Variants in ACACA observed in about 807,000 individuals in gnomAD.
The protein encoded by ACACA is acetyl-CoA carboxylase alpha.
In ACACA, 103 loss-of-function variants were observed where a neutral mutation model predicts 296.1. That is an observed-to-expected ratio of 0.35 (90% CI 0.30 to 0.41). The LOEUF (loss-of-function observed/expected upper bound fraction) is 0.41, where lower values mean the gene tolerates loss of function less well. Ranked by LOEUF, ACACA falls within the 10% of genes least tolerant of loss-of-function variation. The pLI, the probability that ACACA is intolerant of heterozygous loss-of-function variation, is 1.00. For missense variants in ACACA, 1,554 were observed against 2,989.7 expected, an observed-to-expected ratio of 0.52 and a Z score of 11.20; for synonymous variants, 953 against 1,038.6, an observed-to-expected ratio of 0.92 and a Z score of 1.58.
chr17:37,349,212 C>T (rs575635472), intron 1 of ACACA, among the ~76,000 whole-genome samples: 65 of 150,412 alleles, frequency 4.3e-4, no homozygotes, highest in African/African-American at 1.5e-3. Context: ...AGGCGTGTGC[C>T]CCAACACATG....
At chr17:37,217,260 CAAAAAAA>C (rs34419580) in intron 29 of ACACA, among the ~76,000 whole-genome samples, 5 of 42,526 alleles carry the variant, frequency 1.2e-4, no homozygotes, top group Non-Finnish European at 2.3e-4. Context: ...AACTCTATCT[CAAAAAAA>C]AAAAAAAAAA....
intron 1 of ACACA, among the ~76,000 whole-genome samples, chr17:37,363,113 A>G (rs1172754020): frequency 6.7e-6 from 1 of 149,974 alleles, no homozygotes; most frequent in Non-Finnish European, 1.5e-5. Flanking sequence ...CAGCCTCTCA[A>G]GTAGCTGGGA....
At position 37,268,723 on chromosome 17, in the gene ACACA, ATC is replaced by A. The variant is rs2081912480; in HGVS notation, c.1119+2026_1119+2027del. ...AATATATCTATATCTATATCTATCT[ATC>A]TATCTATCTATCTATCTATATATAT... is the stretch of plus-strand genomic sequence containing the variant. On this transcript the variant is annotated intron_variant, in intron 10 of 55. Coordinates refer to ENST00000616317, the MANE Select transcript of ACACA (RefSeq NM_198834.3). Among the ~76,000 whole-genome samples the A allele has an allele frequency of 9.3e-5, 10 of 108,028 alleles. No individual in the cohort carries two copies. The East Asian group carries it at 1.7e-3, about 18-fold the overall frequency. 70.9% of individuals were successfully genotyped at this position (108,028 alleles called of 152,430 possible). A position where few individuals can be genotyped will look rare whatever the true frequency, so the allele number is the denominator to read the frequency against.
Position 37,177,265 on chromosome 17 carries a change from A to C in ACACA, c.5079+1995T>G, listed in dbSNP as rs533315580. Among the ~76,000 whole-genome samples the C allele has an allele frequency of 5.8e-5, 7 of 120,008 alleles. No individual in the cohort carries two copies. In the South Asian group the frequency reaches 1.9e-3, roughly 33 times the overall value. The allele number at this position is 120,008 out of a possible 152,430, so 78.7% of individuals were successfully genotyped here. A position where few individuals can be genotyped will look rare whatever the true frequency, so the allele number is the denominator to read the frequency against. The stretch of plus-strand genomic sequence containing the variant: ...TAAAAAAAACCTTTAATTTTTAAAA[A>C]ATTCGTGTGTGTGTGTGTGTGTGTG... On this transcript the variant is annotated intron_variant, in intron 41 of 55. Transcript: ENST00000616317.
At chr17:37,354,794 A>G (rs1007729921) in intron 1 of ACACA, among the ~76,000 whole-genome samples, 8 of 152,158 alleles carry the variant, frequency 5.3e-5, no homozygotes, top group Non-Finnish European at 1.0e-4. Flanking sequence ...AGCTGGGCGC[A>G]GTGGTGTACA....
chr17:37,248,583 T>C lies in ACACA; in HGVS notation c.2163+10A>G. On this transcript the variant is annotated intron_variant, in intron 17 of 55. Coordinates refer to ENST00000616317, the MANE Select transcript of ACACA (RefSeq NM_198834.3). Reference sequence around the variant, plus strand: ...AAGTAAGGTGCAAGCTCCAATGGGGTTCTGCATACCTTAAGTACATACTTG... The same window carrying C: ...AAGTAAGGTGCAAGCTCCAATGGGGCTCTGCATACCTTAAGTACATACTTG... The C allele has an allele frequency of 2.5e-6, 4 of 1,582,486 alleles. No individual in the cohort carries two copies. Among genetic ancestry groups the C allele is most frequent in the Non-Finnish European group, 3.5e-6 (4 of 1,152,228 alleles).
At chr17:37,163,465 T>C (rs1008123229) in intron 41 of ACACA, among the ~76,000 whole-genome samples, 1 of 152,152 alleles carries the variant, frequency 6.6e-6, no homozygotes, top group African/African-American at 2.4e-5. Context: ...GCAACACAAA[T>C]GGACTATCAC....
intron 2 of ACACA, among the ~76,000 whole-genome samples, chr17:37,334,412 T>C (rs2048017485): frequency 6.6e-6 from 1 of 152,008 alleles, no homozygotes; most frequent in South Asian, 2.1e-4. Flanking sequence ...ATTAGTCAAG[T>C]CCCTTCCCTC....
At chr17:37,238,043 T>G (rs2145891210) in intron 24 of ACACA, among the ~76,000 whole-genome samples, 1 of 152,234 alleles carries the variant, frequency 6.6e-6, no homozygotes, top group Middle Eastern at 3.4e-3. Context: ...TTACAGGCTT[T>G]TCAGACTCCT....
chr17:37,341,979 T>TG (rs1337309328), intron 1 of ACACA, among the ~76,000 whole-genome samples: 1 of 152,092 alleles, frequency 6.6e-6, no homozygotes, highest in Non-Finnish European at 1.5e-5. Context: ...AGCTGACCTT[T>TG]GGGGAAGGCT....
intron 27 of ACACA, 44 bp from the exon 28 acceptor site, chr17:37,223,645 A>T: frequency 3.6e-6 from 5 of 1,391,726 alleles, no homozygotes; most frequent in Non-Finnish European, 5.1e-6. Context: ...TCAAAAGGAG[A>T]ACAATTTCAA....
intron 41 of ACACA, among the ~76,000 whole-genome samples, chr17:37,173,891 G>GCATCCTCCAC (rs2076967616): frequency 7.0e-6 from 1 of 142,414 alleles, no homozygotes. Context: ...TTGGCTCGCT[G>GCATCCTCCAC]CATCCTCCAC....
intron 45 of ACACA, among the ~76,000 whole-genome samples, chr17:37,130,767 C>CA (rs1335399037): frequency 5.9e-5 from 9 of 152,054 alleles, no homozygotes; most frequent in Non-Finnish European, 1.3e-4. Flanking sequence ...TCATTGTGTG[C>CA]AAGTCTCTTT....
chr17:37,343,100 T>G (rs538198397), intron 1 of ACACA, among the ~76,000 whole-genome samples: 26 of 152,010 alleles, frequency 1.7e-4, no homozygotes, highest in Admixed American at 9.8e-4. Context: ...GCCTCAGCCT[T>G]CCGAGTAGCT....
chr17:37,135,387 G>T (rs1332862921), intron 45 of ACACA, among the ~76,000 whole-genome samples: 7 of 152,204 alleles, frequency 4.6e-5, no homozygotes, highest in African/African-American at 1.2e-4. Flanking sequence ...GCTAGGCTAG[G>T]GTTGGGGTAG....
chr17:37,395,389 C>T (rs568473801), intron 1 of ACACA, among the ~76,000 whole-genome samples: 35 of 148,468 alleles, frequency 2.4e-4, no homozygotes, highest in African/African-American at 8.7e-4. Flanking sequence ...GAGATCGTGT[C>T]ACTGCACTCT....
intron 3 of ACACA, among the ~76,000 whole-genome samples, chr17:37,329,495 G>A (rs1424706900): frequency 1.3e-5 from 2 of 151,956 alleles, no homozygotes; most frequent in African/African-American, 2.4e-5. Flanking sequence ...ACAGAAATCA[G>A]CTAGGCGCAA....
At chr17:37,088,905 CT>C in intron 55 of ACACA, 32 bp downstream of exon 55, 1 of 1,613,262 alleles carries the variant, frequency 6.2e-7, no homozygotes, top group Non-Finnish European at 8.5e-7. Flanking sequence ...ATTAGCCCTC[CT>C]TCTCTAGTGG....
intron 4 of ACACA, 76 bp from the exon 5 acceptor site, chr17:37,283,481 T>C (rs571150319): frequency 3.8e-5 from 55 of 1,448,978 alleles, no homozygotes; most frequent in Middle Eastern, 3.5e-4. Flanking sequence ...GATGAGAGAA[T>C]TTTTACATAT....
Sources: allele counts gnomAD v4.1 joint callset (sites outside exome capture counted in the v4.1 genomes callset), GRCh38; gene constraint gnomAD v4.1.1; transcripts MANE v1.5; gene names NCBI Gene and HGNC (gene_info 2026-07-23, HGNC 2026-07-21).